CENPU: variants seen among roughly 807,000 people sequenced by gnomAD.
CENPU encodes the protein centromere protein U.
CENPU carries 46 observed loss-of-function variants against 56.7 expected under a neutral mutation model. The ratio of observed to expected loss-of-function variants is 0.81; its 90% CI spans 0.64 to 1.04. The LOEUF (loss-of-function observed/expected upper bound fraction) is 1.04. Ranked by LOEUF, CENPU falls within the 50% of genes least tolerant of loss-of-function variation. The pLI is 0.00. For missense variants in CENPU, 510 were observed against 490.1 expected, an observed-to-expected ratio of 1.04 and a Z score of -0.38; for synonymous variants, 166 against 163.0, an observed-to-expected ratio of 1.02 and a Z score of -0.14.
At position 184,695,391 on chromosome 4, in the gene CENPU, G is replaced by A. The variant is rs748968537; in HGVS notation, c.1154C>T (p.Ser385Phe). ...TTTAAATAACAGAGCTGGAAGGCTG[G>A]ATGAATCATACTGTTGAAAGAAAAT... is the stretch of plus-strand genomic sequence containing the variant. ...EPNVKETYDSSSLPALLFKAR... is the reference protein window; with the variant it reads ...EPNVKETYDSFSLPALLFKAR... The change falls in exon 13 of 13, where the codon TCC (serine) becomes TTC (phenylalanine). Residue 385 changes from serine (S) to phenylalanine (F), a missense_variant. Transcript: ENST00000281453. 1.2e-6 allele frequency: 2 copies of A among 1,611,124 alleles called. No individual in the cohort carries two copies. Among genetic ancestry groups the A allele is most frequent in the Non-Finnish European group, 8.5e-7 (1 of 1,177,538 alleles).
chr4:184,725,315 T>C (rs1291656136), intron 3 of CENPU, among the ~76,000 whole-genome samples: 2 of 152,226 alleles, frequency 1.3e-5, no homozygotes, highest in Non-Finnish European at 2.9e-5. Flanking sequence ...GGAATTATTT[T>C]TGGTTTCTGA....
chr4:184,710,720 A>G (rs1760893348), intron 7 of CENPU, among the ~76,000 whole-genome samples: 1 of 152,202 alleles, frequency 6.6e-6, no homozygotes, highest in African/African-American at 2.4e-5. Flanking sequence ...CTCAATGATA[A>G]ATGGAATAAA....
chr4:184,714,519 T>C (rs1245712922), intron 6 of CENPU, among the ~76,000 whole-genome samples: 1 of 152,206 alleles, frequency 6.6e-6, no homozygotes, highest in Non-Finnish European at 1.5e-5. Flanking sequence ...AATATTGTTA[T>C]GTAATTACAT....
intron 10 of CENPU, among the ~76,000 whole-genome samples, chr4:184,701,461 T>C (rs1561128508): frequency 6.6e-6 from 1 of 152,176 alleles, no homozygotes; most frequent in South Asian, 2.1e-4. Flanking sequence ...CTACTTTAAA[T>C]GTAGAGGTGG....
rs768650490 is a variant in CENPU at position 184,697,774 on chromosome 4, G to T, written c.1016C>A (p.Thr339Lys). Reference protein sequence around the residue: ...RLEPQLKQLQTKYDELKERKS... With the variant: ...RLEPQLKQLQKKYDELKERKS... ...TCTCTCTTTAAGTTCATCATATTTT[G>T]TTTGTAGTTGTTTCAGCTGTGGCTC... The change falls in exon 12 of 13, where the codon ACA becomes AAA. Residue 339 changes from threonine to lysine, a missense_variant. Thr to Lys is a moderately conservative substitution (Grantham distance 78). Coordinates refer to ENST00000281453, the MANE Select transcript of CENPU (RefSeq NM_024629.4). 1 of 1,608,060 alleles carries T rather than the reference G, an allele frequency of 6.2e-7. No individual in the cohort carries two copies. Among genetic ancestry groups the T allele is most frequent in the Non-Finnish European group, 8.5e-7 (1 of 1,178,608 alleles).
intron 1 of CENPU, among the ~76,000 whole-genome samples, chr4:184,733,588 T>G (rs919665260): frequency 1.3e-4 from 20 of 152,248 alleles, no homozygotes; most frequent in African/African-American, 4.6e-4. Context: ...GTTTACGGTC[T>G]GTGGTTTGCA....
chr4:184,729,144 T>A, intron 2 of CENPU, 109 bp from the exon 3 acceptor site: 1 of 817,412 alleles, frequency 1.2e-6, no homozygotes, highest in South Asian at 1.6e-5. Context: ...GAAGCAATCC[T>A]TATGCATGGG....
intron 7 of CENPU, among the ~76,000 whole-genome samples, chr4:184,711,886 G>A (rs1021641121): frequency 3.9e-5 from 6 of 152,148 alleles, no homozygotes; most frequent in African/African-American, 1.2e-4. Flanking sequence ...ACTTTGGGAG[G>A]CCAAGGCAGG....
chr4:184,728,846 T>C, intron 3 of CENPU, 72 bp downstream of exon 3: 1 of 1,089,546 alleles, frequency 9.2e-7, no homozygotes, highest in Non-Finnish European at 1.4e-6. Context: ...AAGATACTTC[T>C]ATTTTTTATT....
chr4:184,712,815 T>C, intron 7 of CENPU, 129 bp downstream of exon 7: 2 of 650,386 alleles, frequency 3.1e-6, no homozygotes, highest in Non-Finnish European at 2.6e-6. Context: ...CAAAGTCACA[T>C]ATTCCTAATT....
intron 12 of CENPU, among the ~76,000 whole-genome samples, chr4:184,696,367 G>A (rs1760308946): frequency 6.6e-6 from 1 of 152,174 alleles, no homozygotes; most frequent in African/African-American, 2.4e-5. Context: ...AAGGCATTGA[G>A]CTCACTCTAA....
At chr4:184,699,921 T>G (rs968326922) in intron 11 of CENPU, among the ~76,000 whole-genome samples, 2 of 152,238 alleles carry the variant, frequency 1.3e-5, no homozygotes, top group Non-Finnish European at 2.9e-5. Flanking sequence ...CCTCCCAAAG[T>G]GCTGGGATTA....
In CENPU at chr4:184,702,334, G is replaced by A. The variant is rs1010591174; in HGVS notation, c.876+29C>T. ...TACAGGATTAGTGAAAAAAACCTTA[G>A]ACCAACAAATGCATGTCCGTGAGCT... is the stretch of plus-strand genomic sequence containing the variant. On this transcript the variant is annotated intron_variant, in intron 9 of 12. Coordinates refer to ENST00000281453, the MANE Select transcript of CENPU (RefSeq NM_024629.4). 4.4e-6 allele frequency: 7 copies of A among 1,599,764 alleles called. No individual in the cohort carries two copies. In the Admixed American group the frequency reaches 8.5e-5, roughly 19 times the overall value.
At chr4:184,710,314 T>C (rs28525282) in intron 7 of CENPU, 134 bp from the exon 8 acceptor site, 83,602 of 548,186 alleles carry the variant, frequency 0.15, 7,314 homozygotes, top group African/African-American at 0.26. Flanking sequence ...AGAGAGGAGG[T>C]GCCGTACTCA....
intron 6 of CENPU, among the ~76,000 whole-genome samples, chr4:184,715,669 C>T (rs1006944922): frequency 1.3e-5 from 2 of 152,108 alleles, no homozygotes; most frequent in African/African-American, 4.8e-5. Flanking sequence ...AAGGAATGCA[C>T]AAATATTTAG....
chr4:184,722,246 A>G (rs1485110754), intron 4 of CENPU, among the ~76,000 whole-genome samples: 2 of 152,208 alleles, frequency 1.3e-5, no homozygotes, highest in Non-Finnish European at 2.9e-5. Context: ...AAGCAGTACT[A>G]AGAGGGAAGT....
intron 8 of CENPU, among the ~76,000 whole-genome samples, chr4:184,706,108 T>A (rs28579266): frequency 6.6e-6 from 1 of 152,114 alleles, no homozygotes; most frequent in Admixed American, 6.5e-5. Flanking sequence ...TTTTATGTTA[T>A]GTGTATTTTA....
intron 8 of CENPU, among the ~76,000 whole-genome samples, chr4:184,709,024 TAAAG>T (rs2150210474): frequency 7.8e-6 from 1 of 127,830 alleles, no homozygotes; most frequent in African/African-American, 2.5e-5. Flanking sequence ...ATAAAAAAGT[TAAAG>T]AAGTAACAAT....
intron 3 of CENPU, among the ~76,000 whole-genome samples, chr4:184,727,719 T>A (rs1561146460): frequency 6.6e-6 from 1 of 152,218 alleles, no homozygotes; most frequent in Admixed American, 6.5e-5. Flanking sequence ...AGCAGTATTA[T>A]TCACAGTGGC....
Sources: allele counts gnomAD v4.1 joint callset (sites outside exome capture counted in the v4.1 genomes callset), GRCh38; gene constraint gnomAD v4.1.1; transcripts MANE v1.5; gene names NCBI Gene and HGNC (gene_info 2026-07-23, HGNC 2026-07-21).